Variants in GRM5 observed in about 807,000 individuals in gnomAD.
GRM5 encodes the protein metabotropic glutamate receptor 5.
Under a neutral mutation model 83.1 loss-of-function variants are expected in GRM5, and 19 were observed. The observed-to-expected ratio is 0.23, with a 90% CI of 0.16 to 0.34. The LOEUF is 0.34. Among genes scored for constraint, GRM5 ranks in the 10% least tolerant of loss-of-function variants. GRM5 has a pLI of 1.00. For synonymous variants in GRM5, 675 were observed against 633.6 expected (o/e 1.07, Z -0.98); for missense variants, 1,160 against 1,588.3 (o/e 0.73, Z 4.58).
At chr11:88,986,592 T>C (rs1357986603) in intron 2 of GRM5, among the ~76,000 whole-genome samples, 1 of 150,868 alleles carries the variant, frequency 6.6e-6, no homozygotes, top group African/African-American at 2.5e-5. Context: ...TACACATTTT[T>C]GGTATTAAAC....
At chr11:88,551,999 A>G (rs190572249) in intron 8 of GRM5, among the ~76,000 whole-genome samples, 4 of 151,544 alleles carry the variant, frequency 2.6e-5, no homozygotes, top group Admixed American at 2.6e-4. Flanking sequence ...GGAAACAGCT[A>G]CAGCTCATTT....
chr11:88,846,564 C>T (rs867182608), intron 3 of GRM5, among the ~76,000 whole-genome samples: 1 of 152,146 alleles, frequency 6.6e-6, no homozygotes, highest in Non-Finnish European at 1.5e-5. Context: ...TTAGTCCTGC[C>T]AAGCACTTAA....
At chr11:88,542,055 C>A (rs1408783350) in intron 8 of GRM5, among the ~76,000 whole-genome samples, 1 of 152,170 alleles carries the variant, frequency 6.6e-6, no homozygotes, top group African/African-American at 2.4e-5. Context: ...TTTCCTGAAG[C>A]CTCCCCAGCC....
intron 2 of GRM5, among the ~76,000 whole-genome samples, chr11:88,956,019 T>A (rs1189364215): frequency 2.0e-5 from 3 of 152,382 alleles, no homozygotes; most frequent in South Asian, 4.1e-4. Flanking sequence ...ACAGCATTTG[T>A]ATTTTGTCTT....
At chr11:88,646,856 G>C (rs1250832667) in intron 4 of GRM5, among the ~76,000 whole-genome samples, 2 of 141,716 alleles carry the variant, frequency 1.4e-5, no homozygotes, top group African/African-American at 5.0e-5. Flanking sequence ...ATCTCTCTTG[G>C]TTAAAATGAA....
At chr11:88,633,020 C>A (rs1303281512) in intron 4 of GRM5, among the ~76,000 whole-genome samples, 1 of 152,048 alleles carries the variant, frequency 6.6e-6, no homozygotes, top group Non-Finnish European at 1.5e-5. Context: ...TTTGAACAAG[C>A]ATGTTTTGAA....
intron 9 of GRM5, among the ~76,000 whole-genome samples, chr11:88,518,452 G>A (rs1026982769): frequency 6.6e-5 from 10 of 151,830 alleles, no homozygotes; most frequent in Non-Finnish European, 1.5e-4. Flanking sequence ...AAAATTAATT[G>A]GTAAATGGTA....
At chr11:89,058,909 TC>T (rs1017444929) in intron 1 of GRM5, among the ~76,000 whole-genome samples, 39 of 151,328 alleles carry the variant, frequency 2.6e-4, no homozygotes, top group African/African-American at 7.1e-4. Context: ...TGTTGATTTT[TC>T]ATTTTATTTA....
At chr11:88,770,812 G>C (rs553096622) in intron 3 of GRM5, among the ~76,000 whole-genome samples, 1 of 152,216 alleles carries the variant, frequency 6.6e-6, no homozygotes, top group African/African-American at 2.4e-5. Context: ...ACTAGAATTT[G>C]TCAGAACGTT....
At chr11:88,870,771 G>T (rs1944753224) in intron 2 of GRM5, among the ~76,000 whole-genome samples, 1 of 151,530 alleles carries the variant, frequency 6.6e-6, no homozygotes, top group South Asian at 2.1e-4. Flanking sequence ...GGTCTGGGCA[G>T]TGGGGGATAT....
chr11:88,815,068 C>T (rs537971863), intron 3 of GRM5, among the ~76,000 whole-genome samples: 2 of 152,292 alleles, frequency 1.3e-5, no homozygotes, highest in South Asian at 4.1e-4. Context: ...CAACCCATCA[C>T]TCAACAAGGG....
At chr11:88,570,550 A>AATATATATATATATATATATATATAT (rs199551301) in intron 7 of GRM5, among the ~76,000 whole-genome samples, 4 of 71,948 alleles carry the variant, frequency 5.6e-5, no homozygotes, top group Admixed American at 1.4e-4. Flanking sequence ...AAGTATTAAT[A>AATATATATATATATATATATATATAT]ATATATATAT....
intron 9 of GRM5, among the ~76,000 whole-genome samples, chr11:88,514,137 A>G (rs1011823304): frequency 3.3e-5 from 5 of 152,180 alleles, no homozygotes; most frequent in African/African-American, 1.2e-4. Flanking sequence ...GGCCAAAAGT[A>G]ACGTCTTGCT....
At chr11:88,887,391 G>A (rs1377789653) in intron 2 of GRM5, among the ~76,000 whole-genome samples, 1 of 152,120 alleles carries the variant, frequency 6.6e-6, no homozygotes, top group Non-Finnish European at 1.5e-5. Flanking sequence ...AAGAGGGCTT[G>A]CCCAACTATT....
chr11:88,615,045 T>G (rs1217566817), intron 4 of GRM5, among the ~76,000 whole-genome samples: 2 of 152,130 alleles, frequency 1.3e-5, no homozygotes, highest in South Asian at 2.1e-4. Flanking sequence ...GCCCAAGACC[T>G]GGGCCCAGGT....
At chr11:88,939,655 T>C (rs1336332262) in intron 2 of GRM5, among the ~76,000 whole-genome samples, 1 of 151,702 alleles carries the variant, frequency 6.6e-6, no homozygotes, top group Admixed American at 6.6e-5. Flanking sequence ...GAATAATAAT[T>C]CCAATATGAT....
At chr11:88,932,329 T>G (rs773016223) in intron 2 of GRM5, among the ~76,000 whole-genome samples, 6 of 152,030 alleles carry the variant, frequency 3.9e-5, no homozygotes, top group Non-Finnish European at 8.8e-5. Context: ...CACAAATATT[T>G]GGAAATTACA....
chr11:88,974,304 GAAA>G (rs1309361133), intron 2 of GRM5, among the ~76,000 whole-genome samples: 1 of 151,924 alleles, frequency 6.6e-6, no homozygotes, highest in African/African-American at 2.4e-5. Flanking sequence ...GAGTAGATAT[GAAA>G]ATGGAGAAAA....
chr11:88,594,373 T>C (rs1937743434), intron 6 of GRM5, among the ~76,000 whole-genome samples: 2 of 152,218 alleles, frequency 1.3e-5, no homozygotes, highest in South Asian at 2.1e-4. Context: ...ATTGTAAATA[T>C]TTAGGCTTTG....
Sources: allele counts gnomAD v4.1 joint callset (sites outside exome capture counted in the v4.1 genomes callset), GRCh38; gene constraint gnomAD v4.1.1; transcripts MANE v1.5; gene names NCBI Gene and HGNC (gene_info 2026-07-23, HGNC 2026-07-21).